RAD51B: variants seen among roughly 807,000 people sequenced by gnomAD.
RAD51B encodes DNA repair protein RAD51 homolog 2.
In RAD51B, 38 loss-of-function variants were observed where a neutral mutation model predicts 42.2. The observed-to-expected ratio is 0.90, with a 90% CI of 0.70 to 1.18. RAD51B has a LOEUF of 1.18. RAD51B is among the 50% of genes most tolerant of loss of function. The probability of loss-of-function intolerance (pLI) is 0.00; values close to 1 mark genes in which losing one functional copy is unlikely to be tolerated. For missense variants in RAD51B, 373 were observed against 400.7 expected (o/e 0.93, Z 0.59); for synonymous variants, 154 against 145.2 (o/e 1.06, Z -0.43).
chr14:68,633,447 C>G (rs1199628648), intron 10 of RAD51B, among the ~76,000 whole-genome samples: 2 of 152,102 alleles, frequency 1.3e-5, no homozygotes, highest in South Asian at 2.1e-4. Context: ...GCATTCCCCC[C>G]ACGATGTATA....
chr14:68,128,467 G>T (rs1303847984), intron 7 of RAD51B, among the ~76,000 whole-genome samples: 1 of 152,166 alleles, frequency 6.6e-6, no homozygotes, highest in East Asian at 1.9e-4. Flanking sequence ...AAGGTGGATG[G>T]ATCACTTGAG....
chr14:68,594,974 T>C, exon 11 of RAD51B: 1 of 1,077,508 alleles, frequency 9.3e-7, no homozygotes. Context: ...CCACCCACTG[T>C]GGCAGCTTGA....
chr14:67,877,567 T>G (rs973469618), intron 5 of RAD51B, among the ~76,000 whole-genome samples: 1 of 152,244 alleles, frequency 6.6e-6, no homozygotes, highest in African/African-American at 2.4e-5. Context: ...AAGCTTTTTG[T>G]GTGTCTTCTA....
intron 10 of RAD51B, among the ~76,000 whole-genome samples, chr14:68,509,278 G>T (rs1016241728): frequency 6.6e-6 from 1 of 152,230 alleles, no homozygotes; most frequent in African/African-American, 2.4e-5. Flanking sequence ...TGTGGCACAC[G>T]TAAGGGAGCA....
intron 5 of RAD51B, among the ~76,000 whole-genome samples, chr14:67,876,634 T>G (rs1338789635): frequency 6.6e-6 from 1 of 152,166 alleles, no homozygotes; most frequent in African/African-American, 2.4e-5. Context: ...TTCTTTTTCT[T>G]TTAAAAGAGG....
chr14:67,915,931 A>G (rs927729266), intron 7 of RAD51B, among the ~76,000 whole-genome samples: 5 of 152,358 alleles, frequency 3.3e-5, no homozygotes, highest in East Asian at 1.9e-4. Flanking sequence ...ACACTTTTCA[A>G]TAGTCCAGCT....
intron 8 of RAD51B, among the ~76,000 whole-genome samples, chr14:68,356,839 C>T (rs1430463532): frequency 3.3e-5 from 5 of 151,922 alleles, no homozygotes; most frequent in South Asian, 2.1e-4. Flanking sequence ...AAAAATTAGC[C>T]GGGCGCGGTG....
At chr14:68,594,381 C>T in intron 10 of RAD51B, 4 of 1,124,924 alleles carry the variant, frequency 3.6e-6, no homozygotes, top group Non-Finnish European at 4.8e-6. Flanking sequence ...CCCTTGAACT[C>T]TCCATCAGGT....
chr14:68,491,470 C>T (rs1490778424), intron 10 of RAD51B, among the ~76,000 whole-genome samples: 2 of 152,208 alleles, frequency 1.3e-5, no homozygotes, highest in Non-Finnish European at 2.9e-5. Context: ...CATGTAACAA[C>T]ATGTAATAAA....
At chr14:68,340,085 C>G (rs1427989345) in intron 8 of RAD51B, among the ~76,000 whole-genome samples, 1 of 152,174 alleles carries the variant, frequency 6.6e-6, no homozygotes, top group Non-Finnish European at 1.5e-5. Flanking sequence ...TAGTATTTTA[C>G]TAATAGTGTT....
At chr14:67,957,232 T>C (rs1025512711) in intron 7 of RAD51B, among the ~76,000 whole-genome samples, 2 of 152,162 alleles carry the variant, frequency 1.3e-5, no homozygotes, top group African/African-American at 2.4e-5. Flanking sequence ...ATGGTTAAGT[T>C]GGAGATAAAG....
At chr14:68,302,739 G>A (rs947512960) in intron 8 of RAD51B, among the ~76,000 whole-genome samples, 3 of 152,224 alleles carry the variant, frequency 2.0e-5, no homozygotes, top group Non-Finnish European at 4.4e-5. Flanking sequence ...GAAACGAAGG[G>A]ATGGGCCAAA....
At chr14:68,626,112 G>A (rs990467580) in intron 10 of RAD51B, among the ~76,000 whole-genome samples, 3 of 152,220 alleles carry the variant, frequency 2.0e-5, no homozygotes, top group Admixed American at 6.5e-5. Flanking sequence ...TGCTAAGGAG[G>A]GTAGGAATCA....
At position 67,993,665 on chromosome 14, in the gene RAD51B, A is replaced by G. The variant is rs560732462; in HGVS notation, c.756+106461A>G. Among the ~76,000 whole-genome samples the G allele has an allele frequency of 4.7e-5, 7 of 150,434 alleles. No homozygotes were observed. The South Asian group carries it at 1.5e-3, about 31-fold the overall frequency. On this transcript the variant is annotated intron_variant, in intron 7 of 10. Transcript: ENST00000471583. The stretch of plus-strand genomic sequence containing the variant: ...GTCTCCAATAAATATGGGAGTGCAG[A>G]TATCTCTTTGATTTACTGATGTCCT...
chr14:67,923,673 T>C (rs2044408396), intron 7 of RAD51B, among the ~76,000 whole-genome samples: 1 of 152,220 alleles, frequency 6.6e-6, no homozygotes, highest in Non-Finnish European at 1.5e-5. Context: ...AATTGCAAAT[T>C]GTGCTGCTGT....
chr14:68,114,987 C>T (rs1360613581), intron 7 of RAD51B, among the ~76,000 whole-genome samples: 2 of 149,740 alleles, frequency 1.3e-5, no homozygotes, highest in Admixed American at 1.3e-4. Flanking sequence ...GTCAGTGTGG[C>T]GATTCCTCAG....
In RAD51B at chr14:68,169,241, G is replaced by C. The variant is rs569078149; in HGVS notation, c.757-122643G>C. Among the ~76,000 whole-genome samples the C allele has an allele frequency of 2.0e-5, 3 of 152,190 alleles. No individual in the cohort carries two copies. In the South Asian group the frequency reaches 6.2e-4, roughly 32 times the overall value. ...TGGGAGAAGCATGGTTTCAGAGGAG[G>C]ATACAGTATAAAAGGGCAAGGGAGT... On this transcript the variant is annotated intron_variant, in intron 7 of 10. Transcript: ENST00000471583.
chr14:67,872,118 T>C (rs1272165520), intron 5 of RAD51B, among the ~76,000 whole-genome samples: 5 of 150,588 alleles, frequency 3.3e-5, no homozygotes, highest in African/African-American at 1.2e-4. Flanking sequence ...AAATAAAGGG[T>C]ATTCAATTAG....
intron 10 of RAD51B, among the ~76,000 whole-genome samples, chr14:68,476,132 A>G (rs1378643901): frequency 6.6e-6 from 1 of 152,134 alleles, no homozygotes; most frequent in South Asian, 2.1e-4. Flanking sequence ...TCAAAAGCCA[A>G]CTGTGATACC....
Sources: gnomAD v4.1 joint callset for allele counts (sites outside exome capture counted in the v4.1 genomes callset) on GRCh38, gnomAD v4.1.1 for gene constraint, MANE v1.5 for transcripts, NCBI Gene and HGNC (gene_info 2026-07-23, HGNC 2026-07-21) for gene names.